Variants in PCDH15 observed in about 807,000 individuals in gnomAD.
PCDH15 encodes the protein protocadherin-15.
Under a neutral mutation model 178.5 loss-of-function variants are expected in PCDH15, and 129 were observed. That is an observed-to-expected ratio of 0.72 (90% CI 0.63 to 0.84). The LOEUF is 0.84. Ranked by LOEUF, PCDH15 falls within the 40% of genes least tolerant of loss-of-function variation. PCDH15 has a pLI of 0.00. For synonymous variants in PCDH15, 800 were observed against 732.0 expected, an observed-to-expected ratio of 1.09 and a Z score of -1.50; for missense variants, 2,230 against 2,099.9, an observed-to-expected ratio of 1.06 and a Z score of -1.21.
chr10:54,607,780 AC>A (rs1458805739), intron 2 of PCDH15: 1 of 482,010 alleles, frequency 2.1e-6, no homozygotes, highest in African/African-American at 2.1e-5. Flanking sequence ...TTTACTGTCT[AC>A]TACAAAGAAT....
At chr10:53,967,600 G>C (rs2089181832) in intron 21 of PCDH15, among the ~76,000 whole-genome samples, 1 of 152,072 alleles carries the variant, frequency 6.6e-6, no homozygotes, top group African/African-American at 2.4e-5. Context: ...CCAAATATTT[G>C]CTTTTATTTT....
intron 2 of PCDH15, among the ~76,000 whole-genome samples, chr10:54,905,324 T>A (rs1954700761): frequency 6.6e-6 from 1 of 152,134 alleles, no homozygotes; most frequent in Admixed American, 6.5e-5. Context: ...TTTATCATCA[T>A]AAGCACATAC....
At chr10:54,591,587 G>T (rs7088505) in intron 2 of PCDH15, among the ~76,000 whole-genome samples, 18,709 of 152,080 alleles carry the variant, frequency 0.12, 1,291 homozygotes, top group Non-Finnish European at 0.16. Context: ...TTGTTTTAAG[G>T]CACTAATTTT....
chr10:54,849,251 T>A (rs1490155616), intron 3 of PCDH15, among the ~76,000 whole-genome samples: 1 of 152,200 alleles, frequency 6.6e-6, no homozygotes, highest in Non-Finnish European at 1.5e-5. Flanking sequence ...TGCTGTTAAA[T>A]CCTCACAAAA....
chr10:55,463,967 AAGAAAGAGAAAGAAAGAAAGAAAG>A lies in PCDH15; in HGVS notation c.-156+163634_-156+163657del, dbSNP rs1565165711. 4.9e-4 allele frequency among the ~76,000 whole-genome samples: 23 copies of A among 47,192 alleles called. 4 individuals carry two copies. The highest frequency in any genetic ancestry group is 2.8e-3 in the African/African-American group (18 of 6,362). 31.0% of individuals were successfully genotyped at this position (47,192 alleles called of 152,430 possible). Reference sequence around the variant, plus strand: ...AAAGAAAGAAAGAAAGAAAGAAAGAAAGAAAGAGAAAGAAAGAAAGAAAGAGAAAGAAAGAAAGAAAGAAAGAAA... The same window carrying A: ...AAAGAAAGAAAGAAAGAAAGAAAGAAAGAAAGAAAGAAAGAAAGAAAGAAA... On this transcript the variant is annotated intron_variant, in intron 2 of 5. Coordinates refer to the PCDH15 transcript ENST00000613346.
intron 2 of PCDH15, among the ~76,000 whole-genome samples, chr10:55,377,973 C>T (rs1019391981): frequency 4.6e-5 from 7 of 152,040 alleles, no homozygotes; most frequent in East Asian, 1.9e-4. Flanking sequence ...AACCAAACAC[C>T]GCATGTTCTC....
intron 29 of PCDH15, among the ~76,000 whole-genome samples, chr10:53,837,955 ATTATTTATTTATTTAT>A (rs67884582): frequency 1.3e-4 from 19 of 146,840 alleles, no homozygotes; most frequent in African/African-American, 3.8e-4. Flanking sequence ...ATAAACATAT[ATTATTTATTTATTTAT>A]TTATTTATTT....
At chr10:55,071,447 C>T (rs966996891) in intron 2 of PCDH15, among the ~76,000 whole-genome samples, 1 of 151,998 alleles carries the variant, frequency 6.6e-6, no homozygotes, top group Non-Finnish European at 1.5e-5. Flanking sequence ...GGTTGCAATC[C>T]TAGTCTCTGA....
intron 2 of PCDH15, among the ~76,000 whole-genome samples, chr10:54,948,100 T>C (rs1222109905): frequency 6.6e-6 from 1 of 152,008 alleles, no homozygotes; most frequent in African/African-American, 2.4e-5. Flanking sequence ...TTGGTATTTA[T>C]TCTTCATAGA....
chr10:55,174,660 A>G (rs1839429046), intron 1 of PCDH15, among the ~76,000 whole-genome samples: 1 of 152,144 alleles, frequency 6.6e-6, no homozygotes, highest in African/African-American at 2.4e-5. Flanking sequence ...AAGGGAAGCA[A>G]ATTCCAGAGC....
chr10:55,270,611 G>T (rs1842418575), intron 1 of PCDH15, among the ~76,000 whole-genome samples: 1 of 151,250 alleles, frequency 6.6e-6, no homozygotes, highest in Non-Finnish European at 1.5e-5. Context: ...ACACCAGTCA[G>T]AATGGCTATT....
chr10:54,425,267 C>T (rs11004297), intron 3 of PCDH15, among the ~76,000 whole-genome samples: 1 of 151,774 alleles, frequency 6.6e-6, no homozygotes, highest in African/African-American at 2.4e-5. Flanking sequence ...TTAATCCATT[C>T]GTGAGTGGAT....
At chr10:54,663,906 G>C (rs2094530086) in intron 2 of PCDH15, among the ~76,000 whole-genome samples, 1 of 151,812 alleles carries the variant, frequency 6.6e-6, no homozygotes, top group Non-Finnish European at 1.5e-5. Context: ...CATTTACCTA[G>C]TTAGAATAAG....
At chr10:53,878,986 C>T (rs899238564) in intron 26 of PCDH15, among the ~76,000 whole-genome samples, 1 of 152,146 alleles carries the variant, frequency 6.6e-6, no homozygotes, top group African/African-American at 2.4e-5. Flanking sequence ...GTGTAAAATG[C>T]AGTGCCTGGT....
At chr10:55,186,873 T>C (rs1477385931) in intron 1 of PCDH15, among the ~76,000 whole-genome samples, 1 of 151,834 alleles carries the variant, frequency 6.6e-6, no homozygotes, top group Admixed American at 6.6e-5. Context: ...AAAATTTAAA[T>C]TCACCAAGCT....
chr10:55,289,422 C>G (rs1236103486), intron 1 of PCDH15, among the ~76,000 whole-genome samples: 1 of 144,934 alleles, frequency 6.9e-6, no homozygotes, highest in African/African-American at 2.6e-5. Context: ...AGGAAAGAAA[C>G]TAGGAAAAGA....
intron 8 of PCDH15, among the ~76,000 whole-genome samples, chr10:54,293,844 A>G (rs2133077491): frequency 6.6e-6 from 1 of 152,344 alleles, no homozygotes; most frequent in East Asian, 1.9e-4. Flanking sequence ...ATATGAAGAA[A>G]TAGGCACACT....
chr10:54,618,854 T>C (rs1473161847), intron 2 of PCDH15, among the ~76,000 whole-genome samples: 1 of 151,930 alleles, frequency 6.6e-6, no homozygotes, highest in East Asian at 1.9e-4. Context: ...CACACAGAGA[T>C]AGCTATATAT....
At position 54,801,203 on chromosome 10, in the gene PCDH15, A is replaced by C. The variant is rs1591706388; in HGVS notation, c.-307T>G. On this transcript the variant is annotated 5_prime_UTR_variant, in exon 1 of 38. Coordinates refer to ENST00000644397, the MANE Select transcript of PCDH15 (RefSeq NM_001384140.1). ...TTCTCCACGTTCTGAGATGTATGCC[A>C]CCTGCCTTAGTTACCACAAGCAACT... 1 of 152,202 alleles carries C rather than the reference A, an allele frequency of 6.6e-6. No homozygotes were observed. The highest frequency in any genetic ancestry group is 1.5e-5 in the Non-Finnish European group (1 of 68,036). The allele number at this position is 152,202 out of a possible 1,614,324, so 9.4% of individuals were successfully genotyped here. A position where few individuals can be genotyped will look rare whatever the true frequency, so the allele number is the denominator to read the frequency against.
Sources: allele counts gnomAD v4.1 joint callset (sites outside exome capture counted in the v4.1 genomes callset), GRCh38; gene constraint gnomAD v4.1.1; transcripts MANE v1.5; gene names NCBI Gene and HGNC (gene_info 2026-07-23, HGNC 2026-07-21).